Variants in ADCY10 observed in about 807,000 individuals in gnomAD.
ADCY10 encodes the protein adenylate cyclase 10.
A neutral mutation model predicts 183.3 loss-of-function variants in ADCY10; 156 were observed. The observed-to-expected ratio is 0.85, with a 90% CI of 0.75 to 0.97. The LOEUF (loss-of-function observed/expected upper bound fraction) is 0.97, where lower values mean the gene tolerates loss of function less well. ADCY10 is among the 50% of genes least tolerant of loss of function. The pLI is 0.00. For missense variants in ADCY10, 1,745 were observed against 1,934.3 expected (o/e 0.90, Z 1.84); for synonymous variants, 645 against 670.0 (o/e 0.96, Z 0.58).
chr1:167,880,391 CTTAA>C (rs1571386426), intron 10 of ADCY10, 96 bp downstream of exon 10: 2 of 1,036,826 alleles, frequency 1.9e-6, no homozygotes, highest in Non-Finnish European at 3.1e-6. Flanking sequence ...GGACTAAGTT[CTTAA>C]TTAATTCTTC....
rs573826736 is a variant in ADCY10 at position 167,878,438 on chromosome 1, A to T, written c.1406+8T>A. 6.2e-6 allele frequency: 10 copies of T among 1,613,188 alleles called. No individual in the cohort carries two copies. The Admixed American group carries it at 1.3e-4, about 22-fold the overall frequency. ...AAATATACTTCAAAATTAATGCTCC[A>T]CACTCACACTTTCTCAGTACGGCCC... On this transcript the variant is annotated splice_region_variant and intron_variant, in intron 12 of 32. Coordinates refer to ENST00000367851, the MANE Select transcript of ADCY10 (RefSeq NM_018417.6).
intron 12 of ADCY10, 56 bp downstream of exon 12, chr1:167,878,390 A>G (rs943874813): frequency 2.5e-6 from 4 of 1,581,922 alleles, no homozygotes; most frequent in Non-Finnish European, 2.6e-6. Flanking sequence ...CTTTGCTATC[A>G]TAATTCTCCC....
At chr1:167,857,494 A>G (rs926410479) in intron 16 of ADCY10, among the ~76,000 whole-genome samples, 11 of 152,248 alleles carry the variant, frequency 7.2e-5, no homozygotes, top group Non-Finnish European at 1.5e-4. Context: ...ATCTTGGGAT[A>G]GCCTTGTTAA....
intron 8 of ADCY10, among the ~76,000 whole-genome samples, chr1:167,890,716 T>C (rs1668528228): frequency 6.6e-6 from 1 of 152,224 alleles, no homozygotes; most frequent in Non-Finnish European, 1.5e-5. Context: ...ATTTTTATAG[T>C]TAGGGATAAG....
At chr1:167,892,034 A>G (rs61807003) in intron 8 of ADCY10, among the ~76,000 whole-genome samples, 3 of 16 alleles carry the variant, frequency 0.19, no homozygotes, top group African/African-American at 0.3. Context: ...AGTGCAGTGG[A>G]GCAATCTCGG....
In ADCY10 at chr1:167,845,603, C is replaced by T. The variant is rs1409674308; in HGVS notation, c.2967G>A (p.Met989Ile). ...ACATAGCCATCTTTTTAATGGCATC[C>T]ATGTCTAAAGCGTTGAGCCGAATAT... ...TVNIRLNALD[M>I]DAIKKMAMSH... Residue 989 changes from methionine to isoleucine, a missense_variant, in exon 21 of 33, where the codon ATG becomes ATA. Physicochemically the swap from Met to Ile is conservative, Grantham distance 10. Transcript: ENST00000367851. 1 of 1,614,072 alleles carries T rather than the reference C, an allele frequency of 6.2e-7. No individual in the cohort carries two copies.
rs183924733 is a variant in ADCY10 at position 167,829,507 on chromosome 1, C to T, written c.3594-84G>A. ...GGGGAGCACAGGTACATGGTGTCCTCACTATGGGCCTGGGAATCAAAACTG... is the reference window on the plus strand; with the variant it reads ...GGGGAGCACAGGTACATGGTGTCCTTACTATGGGCCTGGGAATCAAAACTG... On this transcript the variant is annotated intron_variant, in intron 25 of 32. Transcript: ENST00000367851. The T allele has an allele frequency of 2.2e-5, 33 of 1,512,956 alleles. No individual in the cohort carries two copies. In the African/African-American group the frequency reaches 3.8e-4, roughly 18 times the overall value. The allele number at this position is 1,512,956 out of a possible 1,614,324, so 93.7% of individuals were successfully genotyped here. A position where few individuals can be genotyped will look rare whatever the true frequency, so the allele number is the denominator to read the frequency against.
intron 18 of ADCY10, among the ~76,000 whole-genome samples, chr1:167,850,495 T>A (rs1424088238): frequency 6.6e-6 from 1 of 152,046 alleles, no homozygotes; most frequent in African/African-American, 2.4e-5. Context: ...TTTCCAATTC[T>A]GGCAAGCTAG....
intron 14 of ADCY10, among the ~76,000 whole-genome samples, chr1:167,868,383 A>T (rs1666851270): frequency 6.6e-6 from 1 of 152,204 alleles, no homozygotes; most frequent in Non-Finnish European, 1.5e-5. Context: ...GCATAGCTGA[A>T]AAAAGGAAAG....
chr1:167,822,811 T>C (rs1662995032), intron 29 of ADCY10, among the ~76,000 whole-genome samples, 197 bp downstream of exon 29: 1 of 152,112 alleles, frequency 6.6e-6, no homozygotes, highest in African/African-American at 2.4e-5. Flanking sequence ...TAATTCTCCT[T>C]CTTGCCGTGC....
chr1:167,879,093 G>T (rs1667694865), intron 11 of ADCY10, among the ~76,000 whole-genome samples: 1 of 152,192 alleles, frequency 6.6e-6, no homozygotes, highest in Admixed American at 6.5e-5. Flanking sequence ...TAGTAAATGG[G>T]CTAGAAGAGG....
At position 167,870,244 on chromosome 1, in the gene ADCY10, C is replaced by T. The variant is rs1311127134; in HGVS notation, c.1616+13G>A. On this transcript the variant is annotated intron_variant, in intron 14 of 32. Transcript: ENST00000367851. ...TATGGGTTCACACAGAACAATCATT[C>T]CAAGACACTCACCTGTGATTCTTAC... The T allele has an allele frequency of 2.5e-6, 4 of 1,613,904 alleles. No individual in the cohort carries two copies. In the Admixed American group the frequency reaches 6.7e-5, roughly 27 times the overall value.
Position 167,870,456 on chromosome 1 carries a change from A to G in ADCY10, c.1463-46T>C, listed in dbSNP as rs756010938. The G allele has an allele frequency of 5.3e-6, 8 of 1,508,462 alleles. No individual in the cohort carries two copies. In the Admixed American group the frequency reaches 1.4e-4, roughly 27 times the overall value. The allele number at this position is 1,508,462 out of a possible 1,614,324, so 93.4% of individuals were successfully genotyped here. A position where few individuals can be genotyped will look rare whatever the true frequency, so the allele number is the denominator to read the frequency against. On this transcript the variant is annotated intron_variant, in intron 13 of 32. Transcript: ENST00000367851. ...AAAGAGCAAACTCAATCAACGTAAA[A>G]TAGTCTAGAGATATAAAAAGTCACA...
At chr1:167,832,889 C>A (rs1398367591) in intron 25 of ADCY10, 98 bp downstream of exon 25, 8 of 1,309,494 alleles carry the variant, frequency 6.1e-6, no homozygotes, top group Non-Finnish European at 8.7e-6. Flanking sequence ...GTCCTTGTGC[C>A]CCCTGGAGGC....
chr1:167,889,154 A>G (rs1354879320), intron 8 of ADCY10, among the ~76,000 whole-genome samples: 3 of 152,092 alleles, frequency 2.0e-5, no homozygotes, highest in South Asian at 4.1e-4. Flanking sequence ...TGTGTTCTAG[A>G]TCTTAGAGGA....
At chr1:167,824,451 T>A in intron 28 of ADCY10, 25 bp downstream of exon 28, 1 of 1,604,630 alleles carries the variant, frequency 6.2e-7, no homozygotes, top group Non-Finnish European at 8.5e-7. Flanking sequence ...CCCCCTAATT[T>A]TGGAAAATGC....
At chr1:167,852,537 C>T (rs574981745) in intron 18 of ADCY10, among the ~76,000 whole-genome samples, 11 of 152,050 alleles carry the variant, frequency 7.2e-5, no homozygotes, top group Non-Finnish European at 1.2e-4. Context: ...AGTATTTACT[C>T]TGCAGTATTT....
At chr1:167,867,509 C>T (rs536199957) in intron 14 of ADCY10, among the ~76,000 whole-genome samples, 1 of 152,234 alleles carries the variant, frequency 6.6e-6, no homozygotes, top group African/African-American at 2.4e-5. Flanking sequence ...TACGAGGACT[C>T]TAAAAGAAAC....
chr1:167,891,022 C>T (rs759799192), intron 8 of ADCY10, among the ~76,000 whole-genome samples: 6 of 151,970 alleles, frequency 3.9e-5, no homozygotes, highest in Non-Finnish European at 7.4e-5. Context: ...AGTGCAGTGG[C>T]GCAATCTCGG....
Sources: gnomAD v4.1 joint callset for allele counts (sites outside exome capture counted in the v4.1 genomes callset) on GRCh38, gnomAD v4.1.1 for gene constraint, MANE v1.5 for transcripts, NCBI Gene and HGNC (gene_info 2026-07-23, HGNC 2026-07-21) for gene names.